CACNA2D3: variants seen among roughly 807,000 people sequenced by gnomAD.
CACNA2D3 encodes calcium voltage-gated channel auxiliary subunit alpha2delta 3.
In CACNA2D3, 60 loss-of-function variants were observed where a neutral mutation model predicts 160.6. The ratio of observed to expected loss-of-function variants is 0.37; its 90% confidence interval spans 0.30 to 0.46. The LOEUF is 0.46. CACNA2D3 is among the 20% of genes least tolerant of loss of function. The pLI is 1.00. For synonymous variants in CACNA2D3, 558 were observed against 492.9 expected (o/e 1.13, Z -1.75); for missense variants, 1,205 against 1,365.0 (o/e 0.88, Z 1.85).
chr3:54,751,196 A>G (rs1701850910), intron 11 of CACNA2D3, among the ~76,000 whole-genome samples: 1 of 152,162 alleles, frequency 6.6e-6, no homozygotes, highest in African/African-American at 2.4e-5. Flanking sequence ...GAAGAGCCAG[A>G]GGACTGGAGA....
At chr3:54,916,117 A>C (rs1030570474) in intron 27 of CACNA2D3, among the ~76,000 whole-genome samples, 2 of 152,170 alleles carry the variant, frequency 1.3e-5, no homozygotes, top group Non-Finnish European at 2.9e-5. Flanking sequence ...TATTGACCTC[A>C]GTAGCTCTCA....
At chr3:54,836,427 G>GT (rs1698689706) in intron 14 of CACNA2D3, among the ~76,000 whole-genome samples, 1 of 151,534 alleles carries the variant, frequency 6.6e-6, no homozygotes, top group African/African-American at 2.4e-5. Context: ...GTAGAGACGG[G>GT]GTTTCACCAT....
intron 17 of CACNA2D3, among the ~76,000 whole-genome samples, chr3:54,865,361 C>CCAAAGTACTTAGATTGTGACTCTCT (rs1299724583): frequency 6.6e-6 from 1 of 152,184 alleles, no homozygotes; most frequent in Non-Finnish European, 1.5e-5. Flanking sequence ...CACCAAATGC[C>CCAAAGTACTTAGATTGTGACTCTCT]CAAAGTACTT....
intron 2 of CACNA2D3, among the ~76,000 whole-genome samples, chr3:54,157,367 C>T (rs529425004): frequency 7.2e-5 from 11 of 152,230 alleles, no homozygotes; most frequent in African/African-American, 2.6e-4. Flanking sequence ...ACAATATATC[C>T]CATAACACTC....
intron 24 of CACNA2D3, among the ~76,000 whole-genome samples, chr3:54,890,246 CA>C (rs1159928024): frequency 6.6e-6 from 1 of 152,078 alleles, no homozygotes; most frequent in African/African-American, 2.4e-5. Flanking sequence ...CCTGTAATCC[CA>C]GCACTTTGGG....
chr3:54,455,657 G>A (rs1358396144), intron 4 of CACNA2D3, among the ~76,000 whole-genome samples: 2 of 152,018 alleles, frequency 1.3e-5, no homozygotes, highest in African/African-American at 4.8e-5. Flanking sequence ...CCAGATCAAT[G>A]TCCTGAAGCA....
At chr3:54,867,248 G>A (rs1022342334) in intron 17 of CACNA2D3, among the ~76,000 whole-genome samples, 4 of 152,128 alleles carry the variant, frequency 2.6e-5, no homozygotes, top group African/African-American at 9.7e-5. Flanking sequence ...GGACATATGA[G>A]AATTTAGTTC....
chr3:54,381,494 A>C (rs536773941), intron 3 of CACNA2D3, among the ~76,000 whole-genome samples: 1 of 152,222 alleles, frequency 6.6e-6, no homozygotes, highest in Non-Finnish European at 1.5e-5. Context: ...CATAAAATAC[A>C]TGAAGACAAA....
At chr3:54,455,671 C>T (rs1575464459) in intron 4 of CACNA2D3, among the ~76,000 whole-genome samples, 2 of 152,060 alleles carry the variant, frequency 1.3e-5, no homozygotes, top group South Asian at 4.1e-4. Context: ...TGAAGCATTT[C>T]TCCTATGGTT....
chr3:54,809,463 C>T (rs1254377266), intron 13 of CACNA2D3, among the ~76,000 whole-genome samples: 1 of 144,198 alleles, frequency 6.9e-6, no homozygotes, highest in Middle Eastern at 3.4e-3. Context: ...GGACTACAGG[C>T]GCCCGCCACC....
chr3:54,839,490 G>A (rs1262247060), intron 16 of CACNA2D3, among the ~76,000 whole-genome samples: 3 of 152,104 alleles, frequency 2.0e-5, no homozygotes, highest in South Asian at 2.1e-4. Flanking sequence ...TTCACTGGAC[G>A]AAGGGCTCCA....
At chr3:54,915,496 G>A (rs576208139) in intron 27 of CACNA2D3, among the ~76,000 whole-genome samples, 8 of 152,284 alleles carry the variant, frequency 5.3e-5, no homozygotes, top group African/African-American at 1.9e-4. Context: ...ATTTTTATAA[G>A]GGAATCTATG....
chr3:54,536,818 C>T lies in CACNA2D3; in HGVS notation c.545-25982C>T, dbSNP rs535949677. On this transcript the variant is annotated intron_variant, in intron 5 of 37. Transcript: ENST00000474759. ...TGATAGAATAGCTGAAGCCTATTCTCTTGCTATTATTAGAGCAGCTGCCAT... is the reference window on the plus strand; with the variant it reads ...TGATAGAATAGCTGAAGCCTATTCTTTTGCTATTATTAGAGCAGCTGCCAT... Among the ~76,000 whole-genome samples, 36 of 152,324 alleles carry T rather than the reference C, an allele frequency of 2.4e-4. No individual in the cohort carries two copies. In the South Asian group the frequency reaches 7.5e-3, roughly 32 times the overall value.
chr3:55,031,531 C>G (rs1320458854), intron 35 of CACNA2D3, among the ~76,000 whole-genome samples: 1 of 152,154 alleles, frequency 6.6e-6, no homozygotes, highest in Non-Finnish European at 1.5e-5. Flanking sequence ...ATCCCGTATA[C>G]TCAAAAAGAA....
intron 2 of CACNA2D3, among the ~76,000 whole-genome samples, chr3:54,311,754 T>A (rs1703748003): frequency 6.6e-6 from 1 of 152,232 alleles, no homozygotes; most frequent in Non-Finnish European, 1.5e-5. Flanking sequence ...CATGTGTTTG[T>A]CAACACATTC....
chr3:54,147,515 A>G (rs571960782), intron 2 of CACNA2D3, among the ~76,000 whole-genome samples: 2 of 152,244 alleles, frequency 1.3e-5, no homozygotes, highest in South Asian at 2.1e-4. Context: ...GTGGTATCCC[A>G]TGGTAGAAAC....
intron 25 of CACNA2D3, among the ~76,000 whole-genome samples, chr3:54,891,718 T>C (rs1026900133): frequency 6.6e-6 from 1 of 152,116 alleles, no homozygotes; most frequent in Non-Finnish European, 1.5e-5. Flanking sequence ...GATGAGTCAT[T>C]TCAGAACTCT....
chr3:54,481,028 C>A (rs575205673), intron 4 of CACNA2D3, among the ~76,000 whole-genome samples: 34 of 152,268 alleles, frequency 2.2e-4, no homozygotes, highest in African/African-American at 7.2e-4. Flanking sequence ...ATGTCTTTGT[C>A]TCTGTTGGGG....
At chr3:54,859,585 C>T (rs1380337543) in intron 17 of CACNA2D3, among the ~76,000 whole-genome samples, 1 of 152,188 alleles carries the variant, frequency 6.6e-6, no homozygotes, top group East Asian at 1.9e-4. Context: ...TGGCCCCCTC[C>T]CTCCATTATG....
Sources: gnomAD v4.1 joint callset for allele counts (sites outside exome capture counted in the v4.1 genomes callset) on GRCh38, gnomAD v4.1.1 for gene constraint, MANE v1.5 for transcripts, NCBI Gene and HGNC (gene_info 2026-07-23, HGNC 2026-07-21) for gene names.